Variants in FAF2 observed in about 807,000 individuals in gnomAD.
The protein encoded by FAF2 is FAS-associated factor 2.
FAF2 carries 9 observed loss-of-function variants against 62.3 expected under a neutral mutation model. The ratio of observed to expected loss-of-function variants is 0.14; its 90% CI spans 0.09 to 0.25. The LOEUF (loss-of-function observed/expected upper bound fraction) is 0.25. FAF2 is among the 10% of genes least tolerant of loss of function. FAF2 has a pLI of 1.00. For missense variants in FAF2, 368 were observed against 556.2 expected, an observed-to-expected ratio of 0.66 and a Z score of 3.40; for synonymous variants, 202 against 198.0, an observed-to-expected ratio of 1.02 and a Z score of -0.17.
chr5:176,466,159 G>A (rs1392412083), intron 1 of FAF2, among the ~76,000 whole-genome samples: 3 of 152,152 alleles, frequency 2.0e-5, no homozygotes, highest in Non-Finnish European at 4.4e-5. Context: ...ATCTGAGTGT[G>A]TGTAAGAGTT....
chr5:176,450,128 C>G (rs1188497867), intron 1 of FAF2, among the ~76,000 whole-genome samples: 1 of 152,094 alleles, frequency 6.6e-6, no homozygotes, highest in Non-Finnish European at 1.5e-5. Context: ...TTGCAATTTC[C>G]TTGAATAGAC....
intron 2 of FAF2, among the ~76,000 whole-genome samples, chr5:176,481,615 C>T (rs1758785375): frequency 6.6e-6 from 1 of 151,798 alleles, no homozygotes; most frequent in Non-Finnish European, 1.5e-5. Context: ...TGAGAACATG[C>T]CACTGCACTC....
At chr5:176,495,510 AT>A (rs55981414) in intron 7 of FAF2, among the ~76,000 whole-genome samples, 13,742 of 132,696 alleles carry the variant, frequency 0.1, 643 homozygotes, top group Non-Finnish European at 0.14. Context: ...TTGGACACCA[AT>A]TTTTTTTTTT....
chr5:176,451,825 TATACATATATATATATAC>T (rs1561813442), intron 1 of FAF2, among the ~76,000 whole-genome samples: 15 of 47,752 alleles, frequency 3.1e-4, no homozygotes, highest in African/African-American at 1.1e-3. Context: ...CATATATATA[TATACATATATATATATAC>T]ACACATATAT....
intron 1 of FAF2, among the ~76,000 whole-genome samples, chr5:176,451,855 TACACATATATATATACACAC>T (rs1561813539): frequency 1.3e-4 from 5 of 38,960 alleles, no homozygotes; most frequent in African/African-American, 5.7e-4. Context: ...CACATATATA[TACACATATATATATACACAC>T]ATATATATAT....
At chr5:176,476,887 G>A (rs953589247) in intron 1 of FAF2, among the ~76,000 whole-genome samples, 2 of 141,820 alleles carry the variant, frequency 1.4e-5, no homozygotes, top group African/African-American at 5.4e-5. Context: ...TCAGCTCACT[G>A]CAAGCTCCAC....
chr5:176,474,681 C>G (rs767013195), intron 1 of FAF2, among the ~76,000 whole-genome samples: 1 of 152,204 alleles, frequency 6.6e-6, no homozygotes, highest in Non-Finnish European at 1.5e-5. Context: ...CCATGACTGG[C>G]CCCTTATCTT....
At chr5:176,489,635 T>C (rs1758937070) in intron 4 of FAF2, among the ~76,000 whole-genome samples, 1 of 152,170 alleles carries the variant, frequency 6.6e-6, no homozygotes. Context: ...CCTCCTGGGT[T>C]CAAGCGATTC....
Position 176,494,383 on chromosome 5 carries a change from A to G in FAF2, c.661+108A>G. 1.1e-6 allele frequency: 1 copy of G among 899,208 alleles called. No homozygotes were observed. Among genetic ancestry groups the G allele is most frequent in the South Asian group, 1.4e-5 (1 of 72,810 alleles). 55.7% of individuals were successfully genotyped at this position (899,208 alleles called of 1,614,324 possible). A position where few individuals can be genotyped will look rare whatever the true frequency, so the allele number is the denominator to read the frequency against. The stretch of plus-strand genomic sequence containing the variant: ...CAAGTGTGTTTGTTCTGTGGTAGAT[A>G]CGACGCTAGTTGCTATTTTATATTG... On this transcript the variant is annotated intron_variant, in intron 7 of 10. Transcript: ENST00000261942. This position sits in a 1 kb window ranked among gnomAD's most constrained non-coding sequence, Gnocchi z 4.0.
chr5:176,500,263 GA>G, intron 10 of FAF2, 117 bp downstream of exon 10: 1 of 322,064 alleles, frequency 3.1e-6, no homozygotes, highest in Non-Finnish European at 5.1e-6. Context: ...ACAGGGAACA[GA>G]GAGAGAGAGA....
chr5:176,451,136 C>T (rs1489847253), intron 1 of FAF2, among the ~76,000 whole-genome samples: 5 of 151,976 alleles, frequency 3.3e-5, no homozygotes, highest in East Asian at 1.9e-4. Flanking sequence ...TTTGGGAGGC[C>T]GAGGCAGGTG....
chr5:176,456,602 T>A (rs1354823271), intron 1 of FAF2, among the ~76,000 whole-genome samples: 1 of 152,120 alleles, frequency 6.6e-6, no homozygotes, highest in Non-Finnish European at 1.5e-5. Flanking sequence ...GTGCTGGAAT[T>A]ACGGGTGTGA....
At chr5:176,456,767 T>C (rs866789020) in intron 1 of FAF2, among the ~76,000 whole-genome samples, 9 of 152,208 alleles carry the variant, frequency 5.9e-5, no homozygotes, top group Non-Finnish European at 1.3e-4. Context: ...TTTTCCTGTT[T>C]ATTTGCTCCT....
At chr5:176,470,862 A>G (rs1032270745) in intron 1 of FAF2, among the ~76,000 whole-genome samples, 2 of 152,218 alleles carry the variant, frequency 1.3e-5, no homozygotes, top group East Asian at 1.9e-4. Context: ...TTCATCTGGC[A>G]GTCTATTTCC....
chr5:176,506,656 C>A, intron 10 of FAF2, 112 bp from the exon 11 acceptor site: 1 of 834,458 alleles, frequency 1.2e-6, no homozygotes, highest in Non-Finnish European at 1.9e-6. Context: ...TAGAGTCATC[C>A]TGGGGAGAGT....
chr5:176,507,208 G>A lies in FAF2; in HGVS notation c.*258G>A, dbSNP rs1050893277. The A allele has an allele frequency of 2.6e-6, 1 of 389,470 alleles. No individual in the cohort carries two copies. The highest frequency in any genetic ancestry group is 5.1e-6 in the Non-Finnish European group (1 of 194,902). The allele number at this position is 389,470 out of a possible 1,614,324, so 24.1% of individuals were successfully genotyped here. A position where few individuals can be genotyped will look rare whatever the true frequency, so the allele number is the denominator to read the frequency against. On this transcript the variant is annotated 3_prime_UTR_variant, in exon 11 of 11. Coordinates refer to ENST00000261942, the MANE Select transcript of FAF2 (RefSeq NM_014613.3). ...GCTTGGCAAGCCCACCCTTCCTGTGGCCTCTGTGCACGCACCTTCCAGTGA... is the reference window on the plus strand; with the variant it reads ...GCTTGGCAAGCCCACCCTTCCTGTGACCTCTGTGCACGCACCTTCCAGTGA...
intron 10 of FAF2, among the ~76,000 whole-genome samples, chr5:176,502,001 C>T (rs1044877213): frequency 2.6e-5 from 4 of 152,054 alleles, no homozygotes; most frequent in Non-Finnish European, 4.4e-5. Flanking sequence ...AAGTGATCCA[C>T]CCACCTCGGC....
At chr5:176,472,111 G>A (rs373524652) in intron 1 of FAF2, among the ~76,000 whole-genome samples, 2 of 152,038 alleles carry the variant, frequency 1.3e-5, no homozygotes, top group South Asian at 2.1e-4. Flanking sequence ...ACATCTGTAG[G>A]GTTTTAATTT....
intron 1 of FAF2, among the ~76,000 whole-genome samples, chr5:176,449,631 A>G (rs1398707850): frequency 2.0e-5 from 3 of 152,034 alleles, no homozygotes; most frequent in African/African-American, 7.2e-5. Flanking sequence ...GGACATATGG[A>G]TGTTAGAAGG....
Sources: gnomAD v4.1 joint callset for allele counts (sites outside exome capture counted in the v4.1 genomes callset) on GRCh38, gnomAD v4.1.1 for gene constraint, Gnocchi (gnomAD v3.1) non-coding constraint, MANE v1.5 for transcripts, NCBI Gene and HGNC (gene_info 2026-07-23, HGNC 2026-07-21) for gene names.